The following MGST3 variants were observed in gnomAD, a reference collection of about 807,000 sequenced individuals.
MGST3 encodes the protein glutathione S-transferase 3, mitochondrial.
A neutral mutation model predicts 15.8 loss-of-function variants in MGST3; 13 were observed. The ratio of observed to expected loss-of-function variants is 0.82; its 90% CI spans 0.54 to 1.31. MGST3 has a LOEUF of 1.31. Among genes scored for constraint, MGST3 ranks in the 50% most tolerant of loss-of-function variants. The pLI, the probability that MGST3 is intolerant of heterozygous loss-of-function variation, is 0.00. For missense variants in MGST3, 155 were observed against 192.4 expected (o/e 0.81, Z 1.15); for synonymous variants, 49 against 68.1 (o/e 0.72, Z 1.38).
chr1:165,651,423 ACT>A (rs1473363406), intron 3 of MGST3: 1 of 398,754 alleles, frequency 2.5e-6, no homozygotes, highest in Non-Finnish European at 4.7e-6. Context: ...AAGGAAACCC[ACT>A]CTGACTCACC....
chr1:165,632,318 A>C, intron 1 of MGST3: 4 of 1,605,778 alleles, frequency 2.5e-6, no homozygotes, highest in Non-Finnish European at 3.4e-6. Flanking sequence ...GAATTGCTGC[A>C]GATTTTAGAT....
Position 165,649,555 on chromosome 1 carries a change from G to A in MGST3, c.-7-286G>A, listed in dbSNP as rs918509065. The A allele has an allele frequency of 1.3e-5, 5 of 389,266 alleles. No homozygotes were observed. In the East Asian group the frequency reaches 1.7e-4, roughly 13 times the overall value. The allele number at this position is 389,266 out of a possible 1,614,324, so 24.1% of individuals were successfully genotyped here. ...CTACAGCAACGACTACTGCAGTGGT[G>A]TAGATAAATCTCATAATGTTGATCA... is the stretch of plus-strand genomic sequence containing the variant. On this transcript the variant is annotated intron_variant, in intron 1 of 5. Coordinates refer to ENST00000367889, the MANE Select transcript of MGST3 (RefSeq NM_004528.4).
intron 1 of MGST3, among the ~76,000 whole-genome samples, chr1:165,632,913 G>A (rs1251556189): frequency 1.3e-5 from 2 of 152,110 alleles, no homozygotes; most frequent in Non-Finnish European, 2.9e-5. Context: ...TGAGGTGGAT[G>A]TCAAATCAAT....
chr1:165,649,965 G>C lies in MGST3; in HGVS notation c.117+1G>C. The C allele has an allele frequency of 6.2e-7, 1 of 1,614,008 alleles. No individual in the cohort carries two copies. The highest frequency in any genetic ancestry group is 8.5e-7 in the Non-Finnish European group (1 of 1,180,024). The stretch of plus-strand genomic sequence containing the variant: ...GGCCCGCAAGAAGTACAAAGTGGAG[G>C]TAAGTGGGAACACAAGCTGGTGCCC... On this transcript the variant is annotated splice_donor_variant, in intron 2 of 5. Transcript: ENST00000367889. LOFTEE classifies it high-confidence loss of function.
chr1:165,638,794 T>TAAAA (rs34399622), intron 1 of MGST3, among the ~76,000 whole-genome samples: 1 of 146,568 alleles, frequency 6.8e-6, no homozygotes, highest in African/African-American at 2.5e-5. Context: ...GACTCCGTCT[T>TAAAA]AAAAAAAAAA....
intron 1 of MGST3, among the ~76,000 whole-genome samples, chr1:165,642,578 C>G (rs1444245026): frequency 1.3e-5 from 2 of 152,178 alleles, no homozygotes; most frequent in Non-Finnish European, 2.9e-5. Context: ...GGACAGTTAA[C>G]CAAACATTAG....
intron 1 of MGST3, among the ~76,000 whole-genome samples, chr1:165,634,200 A>T (rs988192946): frequency 2.6e-5 from 4 of 152,068 alleles, no homozygotes; most frequent in Non-Finnish European, 5.9e-5. Context: ...TTGCTTTTCA[A>T]CCTCATTGAG....
chr1:165,648,015 G>A (rs1648453988), intron 1 of MGST3: 1 of 152,232 alleles, frequency 6.6e-6, no homozygotes, highest in Admixed American at 6.5e-5. Context: ...TTAAGGATAG[G>A]CTGGAGGTTC....
chr1:165,638,387 T>G (rs1489763935), intron 1 of MGST3, among the ~76,000 whole-genome samples: 1 of 151,524 alleles, frequency 6.6e-6, no homozygotes, highest in Admixed American at 6.6e-5. Flanking sequence ...GCAGAAGGAT[T>G]GCTTGAGTCC....
chr1:165,650,791 G>A lies in MGST3; in HGVS notation c.118-223G>A, dbSNP rs555889729. ...CCTCTTTCCCTTGTGCAACTACAGC[G>A]CAGACATACATTCTTATTCCTGGAT... On this transcript the variant is annotated intron_variant, in intron 2 of 5. Coordinates refer to ENST00000367889, the MANE Select transcript of MGST3 (RefSeq NM_004528.4). 283 of 559,066 alleles carry A rather than the reference G, an allele frequency of 5.1e-4. 4 individuals carry two copies. The highest frequency in any genetic ancestry group is 2.2e-3 in the South Asian group (113 of 51,434). 34.6% of individuals were successfully genotyped at this position (559,066 alleles called of 1,614,324 possible). A position where few individuals can be genotyped will look rare whatever the true frequency, so the allele number is the denominator to read the frequency against.
chr1:165,632,629 T>A (rs1365088181), intron 1 of MGST3, among the ~76,000 whole-genome samples: 3 of 152,220 alleles, frequency 2.0e-5, no homozygotes, highest in Admixed American at 6.5e-5. Context: ...TGATTTTTTT[T>A]AACCAATGTT....
At chr1:165,642,901 G>A (rs570857981) in intron 1 of MGST3, among the ~76,000 whole-genome samples, 3 of 152,298 alleles carry the variant, frequency 2.0e-5, no homozygotes, top group South Asian at 4.1e-4. Context: ...CAAGCCAGAA[G>A]TCAGGTCTGA....
At chr1:165,641,624 A>G (rs1376069118) in intron 1 of MGST3, among the ~76,000 whole-genome samples, 1 of 152,226 alleles carries the variant, frequency 6.6e-6, no homozygotes, top group Non-Finnish European at 1.5e-5. Flanking sequence ...TACCAGGTAC[A>G]TATCTAGTTT....
At chr1:165,640,556 G>C (rs144556863) in intron 1 of MGST3, among the ~76,000 whole-genome samples, 193 of 152,196 alleles carry the variant, frequency 1.3e-3, no homozygotes, top group African/African-American at 4.3e-3. Context: ...CTAGGAACTA[G>C]TTAGATATGA....
chr1:165,655,288 T>C (rs564477700), intron 5 of MGST3, 80 bp from the exon 6 acceptor site: 28 of 1,574,626 alleles, frequency 1.8e-5, no homozygotes, highest in South Asian at 1.7e-4. Flanking sequence ...TCAGATGCGA[T>C]GATAGAATGG....
In MGST3 at chr1:165,655,761, G is replaced by T. The variant is rs535442788; in HGVS notation, c.*257G>T. ...ATGCTTCTGTAGTATGTGAGGTTGA[G>T]AAAAAGTCTGATTGTGGTGATGTAG... On this transcript the variant is annotated 3_prime_UTR_variant, in exon 6 of 6. Transcript: ENST00000367889. 1.6e-5 allele frequency: 8 copies of T among 493,948 alleles called. No homozygotes were observed. Among genetic ancestry groups the T allele is most frequent in the Admixed American group, 9.9e-5 (3 of 30,302 alleles). 30.6% of individuals were successfully genotyped at this position (493,948 alleles called of 1,614,324 possible). A position where few individuals can be genotyped will look rare whatever the true frequency, so the allele number is the denominator to read the frequency against.
intron 1 of MGST3, among the ~76,000 whole-genome samples, chr1:165,633,445 T>C (rs1407783184): frequency 1.3e-5 from 2 of 150,716 alleles, no homozygotes; most frequent in Non-Finnish European, 2.9e-5. Flanking sequence ...CCACCCTTCA[T>C]TTTTTTTTAT....
chr1:165,653,955 G>A (rs1648630411), intron 4 of MGST3: 7 of 375,650 alleles, frequency 1.9e-5, no homozygotes, highest in South Asian at 1.6e-4. Context: ...GAGACCGGCT[G>A]GCCCACATGT....
chr1:165,632,217 AAT>A (rs1433209726), intron 1 of MGST3: 1 of 1,611,672 alleles, frequency 6.2e-7, no homozygotes, highest in African/African-American at 1.3e-5. Flanking sequence ...TTAGAACTTT[AAT>A]TCCTTCCCTG....
Sources: gnomAD v4.1 joint callset for allele counts (sites outside exome capture counted in the v4.1 genomes callset) on GRCh38, gnomAD v4.1.1 for gene constraint, MANE v1.5 for transcripts, NCBI Gene and HGNC (gene_info 2026-07-23, HGNC 2026-07-21) for gene names.